The following FRMPD4 variants were observed in gnomAD, a reference collection of about 807,000 sequenced individuals.
FRMPD4 encodes the protein FERM and PDZ domain-containing protein 4.
FRMPD4 carries 22 observed loss-of-function variants against 94.1 expected under a neutral mutation model. That is an observed-to-expected ratio of 0.23 (90% CI 0.17 to 0.33). FRMPD4 has a LOEUF of 0.33. FRMPD4 is among the 10% of genes least tolerant of loss of function. The probability of loss-of-function intolerance (pLI) is 1.00; values close to 1 mark genes in which losing one functional copy is unlikely to be tolerated. For synonymous variants in FRMPD4, 631 were observed against 548.6 expected (o/e 1.15, Z -2.10); for missense variants, 1,111 against 1,339.9 (o/e 0.83, Z 2.67).
intron 2 of FRMPD4, among the ~76,000 whole-genome samples, chrX:12,511,759 A>AG (rs2058045175): frequency 1.0e-5 from 1 of 98,244 alleles, no homozygotes; most frequent in Admixed American, 1.1e-4. Flanking sequence ...TTCAAACTTG[A>AG]GGAAAAAAAA....
chrX:12,357,309 A>G (rs1423708166), intron 1 of FRMPD4, among the ~76,000 whole-genome samples: 1 of 112,403 alleles, frequency 8.9e-6, no homozygotes, highest in Non-Finnish European at 1.9e-5. Context: ...AGTGACAACT[A>G]ACATATATTG....
intron 1 of FRMPD4, among the ~76,000 whole-genome samples, chrX:12,365,419 T>G (rs1242614241): frequency 9.0e-6 from 1 of 111,534 alleles, no homozygotes; most frequent in Middle Eastern, 4.2e-3. Flanking sequence ...GCTCTATCAG[T>G]GCCTTTCTTG....
intron 3 of FRMPD4, among the ~76,000 whole-genome samples, chrX:12,089,686 ATATC>A (rs2055138480): frequency 8.9e-6 from 1 of 112,084 alleles, no homozygotes; most frequent in African/African-American, 3.2e-5. Context: ...CTATCTCTAT[ATATC>A]TATGTCTATA....
At position 12,366,822 on chromosome X, in the gene FRMPD4, T is replaced by G. The variant is rs767963396; in HGVS notation, c.42-131858T>G. On this transcript the variant is annotated intron_variant, in intron 1 of 16. Transcript: ENST00000675598. Reference sequence around the variant, plus strand: ...AGCAGGGGCTTTGAGCCAGTGCCACTTGAGCCGAAAGTTGAATGGGGCTGA... The same window carrying G: ...AGCAGGGGCTTTGAGCCAGTGCCACGTGAGCCGAAAGTTGAATGGGGCTGA... 1.4e-4 allele frequency among the ~76,000 whole-genome samples: 16 copies of G among 112,040 alleles called. No individual in the cohort carries two copies. The South Asian group carries it at 4.6e-3, about 32-fold the overall frequency.
At chrX:12,503,687 A>T (rs1260361415) in intron 2 of FRMPD4, among the ~76,000 whole-genome samples, 2 of 112,321 alleles carry the variant, frequency 1.8e-5, no homozygotes, top group African/African-American at 6.5e-5. Context: ...TCAAGTCAAC[A>T]TGATAGGATT....
chrX:12,685,221 T>C (rs1602320907), intron 6 of FRMPD4, among the ~76,000 whole-genome samples: 1 of 111,890 alleles, frequency 8.9e-6, no homozygotes, highest in South Asian at 3.8e-4. Flanking sequence ...AGTTCCTTCA[T>C]GTGCAAAACA....
intron 1 of FRMPD4, among the ~76,000 whole-genome samples, chrX:12,171,820 A>G (rs1355466197): frequency 8.9e-6 from 1 of 111,859 alleles, no homozygotes; most frequent in African/African-American, 3.3e-5. Context: ...AGACTTGGGG[A>G]TGAAAGAAGA....
chrX:12,425,858 G>GT (rs1369912717), intron 1 of FRMPD4, among the ~76,000 whole-genome samples: 2 of 111,845 alleles, frequency 1.8e-5, no homozygotes, highest in Admixed American at 1.9e-4. Context: ...ACTTTATTTT[G>GT]TTTTGATGCA....
intron 1 of FRMPD4, among the ~76,000 whole-genome samples, chrX:12,272,470 A>G (rs1418821802): frequency 9.0e-6 from 1 of 111,537 alleles, no homozygotes; most frequent in Non-Finnish European, 1.9e-5. Context: ...GAATCATTTA[A>G]ATGACGAAAG....
chrX:12,321,194 A>G (rs2055202297), intron 1 of FRMPD4, among the ~76,000 whole-genome samples: 1 of 112,317 alleles, frequency 8.9e-6, no homozygotes. Context: ...TGTCCTGGAG[A>G]ACAAATTTTT....
In FRMPD4 at chrX:12,465,762, T is replaced by C. The variant is rs144943135; in HGVS notation, c.42-32918T>C. On this transcript the variant is annotated intron_variant, in intron 1 of 16. Coordinates refer to ENST00000675598, the MANE Select transcript of FRMPD4 (RefSeq NM_001368397.1). ...ATGCAGTGCCCAGAATGCATGATTATTGCAGGTTGTCATTATTGAGAACAA... is the reference window on the plus strand; with the variant it reads ...ATGCAGTGCCCAGAATGCATGATTACTGCAGGTTGTCATTATTGAGAACAA... 4.3e-3 allele frequency among the ~76,000 whole-genome samples: 478 copies of C among 112,357 alleles called. 2 individuals carry two copies. The highest frequency in any genetic ancestry group is 4.3e-3 in the Non-Finnish European group (228 of 53,271).
chrX:11,845,676 C>G (rs1203805102), intron 1 of FRMPD4, among the ~76,000 whole-genome samples: 1 of 110,437 alleles, frequency 9.1e-6, no homozygotes, highest in East Asian at 2.8e-4. Context: ...AAAAGCTTAT[C>G]CACAATGATC....
chrX:12,606,135 AAGAATAAC>A (rs1471319447), intron 2 of FRMPD4, among the ~76,000 whole-genome samples: 3 of 108,313 alleles, frequency 2.8e-5, no homozygotes, highest in African/African-American at 1.1e-4. Flanking sequence ...GTATCAATAA[AAGAATAAC>A]ATAATAGTTA....
intron 2 of FRMPD4, among the ~76,000 whole-genome samples, chrX:12,563,606 A>AC (rs1413340174): frequency 3.6e-5 from 4 of 112,093 alleles, no homozygotes; most frequent in Non-Finnish European, 7.5e-5. Context: ...TCAGTTGCCT[A>AC]TTAACCAGGT....
chrX:11,947,061 G>C (rs1384015661), intron 3 of FRMPD4, among the ~76,000 whole-genome samples: 1 of 111,339 alleles, frequency 9.0e-6, no homozygotes, highest in Non-Finnish European at 1.9e-5. Flanking sequence ...AGAGAATCCT[G>C]ACTAATACAC....
At chrX:12,277,620 C>T (rs1170918198) in intron 1 of FRMPD4, among the ~76,000 whole-genome samples, 6 of 111,567 alleles carry the variant, frequency 5.4e-5, no homozygotes, top group Non-Finnish European at 1.1e-4. Flanking sequence ...GTTTTATCTC[C>T]TTTTGGGAAG....
intron 2 of FRMPD4, among the ~76,000 whole-genome samples, chrX:12,549,537 C>T (rs2058512170): frequency 8.9e-6 from 1 of 112,375 alleles, no homozygotes; most frequent in Admixed American, 9.5e-5. Context: ...TATAAGATCT[C>T]TTTAATATGA....
At chrX:12,588,545 G>A (rs775544038) in intron 2 of FRMPD4, among the ~76,000 whole-genome samples, 2 of 112,270 alleles carry the variant, frequency 1.8e-5, no homozygotes, top group East Asian at 5.6e-4. Context: ...AAAATGTTTT[G>A]GAGTATTTTA....
At chrX:11,877,881 C>T (rs2053793955) in intron 2 of FRMPD4, among the ~76,000 whole-genome samples, 1 of 111,952 alleles carries the variant, frequency 8.9e-6, no homozygotes, top group African/African-American at 3.2e-5. Context: ...GAGGTTCTCT[C>T]TTTCCATCCT....
Sources: gnomAD v4.1 joint callset for allele counts (sites outside exome capture counted in the v4.1 genomes callset) on GRCh38, gnomAD v4.1.1 for gene constraint, MANE v1.5 for transcripts, NCBI Gene and HGNC (gene_info 2026-07-23, HGNC 2026-07-21) for gene names.